Variants in RGS10 observed in about 807,000 individuals in gnomAD.
RGS10 encodes regulator of G protein signaling 10, also known as regulator of G-protein signalling 10.
A neutral mutation model predicts 23.5 loss-of-function variants in RGS10; 11 were observed. The observed-to-expected ratio is 0.47, with a 90% confidence interval of 0.29 to 0.77. The LOEUF is 0.77. Among genes scored for constraint, RGS10 ranks in the 30% least tolerant of loss-of-function variants. The pLI is 0.08. For synonymous variants in RGS10, 77 were observed against 83.2 expected (o/e 0.92, Z 0.41); for missense variants, 180 against 226.3 (o/e 0.80, Z 1.31).
intron 1 of RGS10, among the ~76,000 whole-genome samples, chr10:119,539,109 G>A (rs1443613993): frequency 6.6e-6 from 1 of 152,236 alleles, no homozygotes; most frequent in Non-Finnish European, 1.5e-5. Context: ...AGGTCCCAGA[G>A]GCTCAACTGG....
chr10:119,520,809 C>CAAAA (rs58487462), intron 3 of RGS10, among the ~76,000 whole-genome samples: 2 of 126,090 alleles, frequency 1.6e-5, no homozygotes, highest in African/African-American at 3.0e-5. Flanking sequence ...TCTCCAAAAG[C>CAAAA]AAAAAAAAAA....
chr10:119,524,417 G>A lies in RGS10; in HGVS notation c.255+1615C>T, dbSNP rs1375813984. 6.6e-6 allele frequency among the ~76,000 whole-genome samples: 1 copy of A among 152,162 alleles called. No homozygotes were observed. The highest frequency in any genetic ancestry group is 2.4e-5 in the African/African-American group (1 of 41,426). On this transcript the variant is annotated intron_variant, in intron 3 of 4. Transcript: ENST00000369103. The surrounding 1 kb of genome is among the most constrained non-coding windows in gnomAD (Gnocchi z 5.2). ...GCAGGGGCGGACCGGCCCACCCACAGGCCCCTCCTACCTCTAACACTCAAA... is the reference window on the plus strand; with the variant it reads ...GCAGGGGCGGACCGGCCCACCCACAAGCCCCTCCTACCTCTAACACTCAAA...
chr10:119,516,982 A>G (rs1191848516), intron 3 of RGS10, among the ~76,000 whole-genome samples: 1 of 152,192 alleles, frequency 6.6e-6, no homozygotes, highest in Non-Finnish European at 1.5e-5. Context: ...TGCCTCTAAA[A>G]TGCAGCCACA....
At chr10:119,507,048 C>T (rs1293960058) in intron 4 of RGS10, among the ~76,000 whole-genome samples, 1 of 152,200 alleles carries the variant, frequency 6.6e-6, no homozygotes, top group Non-Finnish European at 1.5e-5. Context: ...ATCTCGAATA[C>T]TGCCCTTCCC....
At chr10:119,508,491 T>C (rs1264517965) in intron 4 of RGS10, among the ~76,000 whole-genome samples, 2 of 152,208 alleles carry the variant, frequency 1.3e-5, no homozygotes, top group African/African-American at 4.8e-5. Context: ...GCGCTGTATA[T>C]AGAACTTAAA....
At chr10:119,514,271 C>T (rs911533645) in intron 4 of RGS10, among the ~76,000 whole-genome samples, 3 of 152,046 alleles carry the variant, frequency 2.0e-5, no homozygotes, top group African/African-American at 7.3e-5. Flanking sequence ...GCAGGAGAAT[C>T]GCTTTAACTC....
chr10:119,533,569 A>G lies in RGS10; in HGVS notation c.50-6145T>C, dbSNP rs1483985127. ...CAGCTGCCCAACTTCTGGTACCTGG[A>G]TCCACAAAGTTGCAATATTCTTCTA... On this transcript the variant is annotated intron_variant, in intron 1 of 4. Transcript: ENST00000369103. Among the ~76,000 whole-genome samples, 4 of 152,324 alleles carry G rather than the reference A, an allele frequency of 2.6e-5. No homozygotes were observed. In the East Asian group the frequency reaches 7.7e-4, roughly 29 times the overall value.
intron 4 of RGS10, among the ~76,000 whole-genome samples, chr10:119,502,783 G>A (rs899090780): frequency 3.3e-5 from 5 of 152,170 alleles, no homozygotes; most frequent in African/African-American, 4.8e-5. Flanking sequence ...AATGCCCCAC[G>A]AGTGCAGAAG....
intron 4 of RGS10, among the ~76,000 whole-genome samples, chr10:119,504,942 T>G (rs920655920): frequency 1.3e-5 from 2 of 152,220 alleles, no homozygotes; most frequent in African/African-American, 4.8e-5. Context: ...TTTCTGCTGT[T>G]TGAAGCCACT....
chr10:119,520,658 C>T (rs956574049), intron 3 of RGS10, among the ~76,000 whole-genome samples: 1 of 152,090 alleles, frequency 6.6e-6, no homozygotes, highest in African/African-American at 2.4e-5. Flanking sequence ...CAAAATTCTC[C>T]TGACACAGTT....
intron 4 of RGS10, among the ~76,000 whole-genome samples, chr10:119,501,881 A>C (rs992453472): frequency 2.0e-5 from 3 of 152,226 alleles, no homozygotes; most frequent in African/African-American, 7.2e-5. Context: ...CAACCACAGC[A>C]GAACTGCCTG....
chr10:119,506,638 A>G (rs917743659), intron 4 of RGS10, among the ~76,000 whole-genome samples: 2 of 152,190 alleles, frequency 1.3e-5, no homozygotes, highest in African/African-American at 4.8e-5. Flanking sequence ...GCCTTTTGCC[A>G]TCGGAAGGGG....
At chr10:119,539,581 G>A (rs1844419136) in intron 1 of RGS10, among the ~76,000 whole-genome samples, 2 of 152,186 alleles carry the variant, frequency 1.3e-5, no homozygotes, top group Admixed American at 6.5e-5. Context: ...TCTCTGGGGT[G>A]CTTGTCAAAG....
chr10:119,500,206 C>T lies in RGS10; in HGVS notation c.453G>A (p.Leu151=), dbSNP rs1283959531. The T allele has an allele frequency of 6.2e-7, 1 of 1,613,808 alleles. No individual in the cohort carries two copies. Among genetic ancestry groups the T allele is most frequent in the Non-Finnish European group, 8.5e-7 (1 of 1,179,940 alleles). The stretch of plus-strand genomic sequence containing the variant: ...CCTCGGTTCGCTTGTGTTTTAAAAA[C>T]AAGTCAGACTTTAAGAAGCGGCTGT... ...DSYSRFLKSD[L]FLKHKRTEEE... The change falls in exon 5 of 5, where the codon TTG becomes TTA. Residue 151 remains leucine (L), a synonymous_variant. Transcript: ENST00000369103.
In RGS10 at chr10:119,524,898, G is replaced by A. The variant is rs568241869; in HGVS notation, c.255+1134C>T. Among the ~76,000 whole-genome samples the A allele has an allele frequency of 2.6e-5, 4 of 152,244 alleles. No homozygotes were observed. Among genetic ancestry groups the A allele is most frequent in the East Asian group, 3.9e-4 (2 of 5,166 alleles). On this transcript the variant is annotated intron_variant, in intron 3 of 4. Transcript: ENST00000369103. The surrounding 1 kb of genome is among the most constrained non-coding windows in gnomAD (Gnocchi z 5.2). Reference sequence around the variant, plus strand: ...TCCAGGAGGATGGGTGTCTGCGCCCGGAAAGGCCTTTGAATAAACCCATGA... The same window carrying A: ...TCCAGGAGGATGGGTGTCTGCGCCCAGAAAGGCCTTTGAATAAACCCATGA...
At chr10:119,537,696 C>T (rs937253877) in intron 1 of RGS10, among the ~76,000 whole-genome samples, 2 of 152,194 alleles carry the variant, frequency 1.3e-5, no homozygotes, top group African/African-American at 4.8e-5. Context: ...TCCCAGGTGG[C>T]CGCCTGCCCA....
chr10:119,514,147 G>A (rs570754664), intron 4 of RGS10, among the ~76,000 whole-genome samples: 1 of 152,238 alleles, frequency 6.6e-6, no homozygotes, highest in African/African-American at 2.4e-5. Flanking sequence ...GTTGAGGCCA[G>A]GAGTTCGGGA....
In RGS10 at chr10:119,517,682, A is replaced by G. The variant is rs1311669947; in HGVS notation, c.256-2030T>C. 2.0e-5 allele frequency among the ~76,000 whole-genome samples: 3 copies of G among 152,124 alleles called. No homozygotes were observed. The highest frequency in any genetic ancestry group is 4.4e-5 in the Non-Finnish European group (3 of 68,024). ...CCTTGACATTCACACGCACACACAC[A>G]CGCACACACGTGCACACACGCACAC... On this transcript the variant is annotated intron_variant, in intron 3 of 4. Transcript: ENST00000369103. This position sits in a 1 kb window ranked among gnomAD's most constrained non-coding sequence, Gnocchi z 5.0.
At chr10:119,515,339 G>A (rs1408959626) in intron 4 of RGS10, 170 bp downstream of exon 4, 11 of 733,942 alleles carry the variant, frequency 1.5e-5, no homozygotes, top group Non-Finnish European at 2.2e-5. Context: ...CTCAAGCTTA[G>A]AATTCTGGTC....
Sources: allele counts gnomAD v4.1 joint callset (sites outside exome capture counted in the v4.1 genomes callset), GRCh38; gene constraint gnomAD v4.1.1; non-coding constraint Gnocchi (gnomAD v3.1); transcripts MANE v1.5; gene names NCBI Gene and HGNC (gene_info 2026-07-23, HGNC 2026-07-21).